Variants in DOCK7 observed in about 807,000 individuals in gnomAD.
The protein encoded by DOCK7 is dedicator of cytokinesis 7.
A neutral mutation model predicts 271.0 loss-of-function variants in DOCK7; 138 were observed. The ratio of observed to expected loss-of-function variants is 0.51; its 90% confidence interval spans 0.44 to 0.59. The LOEUF is 0.59. DOCK7 is among the 20% of genes least tolerant of loss of function. The pLI is 0.00. For synonymous variants in DOCK7, 823 were observed against 876.1 expected (o/e 0.94, Z 1.07); for missense variants, 2,066 against 2,592.4 (o/e 0.80, Z 4.41).
intron 1 of DOCK7, among the ~76,000 whole-genome samples, chr1:62,679,943 G>A (rs1192825894): frequency 3.3e-5 from 5 of 152,192 alleles, no homozygotes; most frequent in South Asian, 2.1e-4. Flanking sequence ...AATCAATATC[G>A]TGAAAATGGC....
chr1:62,680,419 T>A (rs962068793), intron 1 of DOCK7, among the ~76,000 whole-genome samples: 4 of 152,034 alleles, frequency 2.6e-5, no homozygotes, highest in Admixed American at 2.0e-4. Flanking sequence ...ATGTTAAACC[T>A]AAAACCATAA....
Position 62,489,072 on chromosome 1 carries a change from G to A in DOCK7, c.5362-7C>T. The A allele has an allele frequency of 1.3e-6, 2 of 1,546,368 alleles. No homozygotes were observed. Among genetic ancestry groups the A allele is most frequent in the South Asian group, 2.5e-5 (2 of 81,602 alleles). The stretch of plus-strand genomic sequence containing the variant: ...CTGCTTCATACATGCCAGCCTATAA[G>A]AAAAAATTTTGTTAAGATGTTGCTT... On this transcript the variant is annotated splice_polypyrimidine_tract_variant and splice_region_variant and intron_variant, in intron 41 of 49. Coordinates refer to ENST00000635253, the MANE Select transcript of DOCK7 (RefSeq NM_001367561.1).
At chr1:62,549,502 ATTTTT>A (rs1645821883) in intron 22 of DOCK7, among the ~76,000 whole-genome samples, 1 of 152,156 alleles carries the variant, frequency 6.6e-6, no homozygotes. Flanking sequence ...TATAATTTTT[ATTTTT>A]ATTTAATTTT....
chr1:62,458,775 C>T (rs1645426521), intron 48 of DOCK7: 1 of 152,182 alleles, frequency 6.6e-6, no homozygotes, highest in South Asian at 2.1e-4. Context: ...TCGTGATCCA[C>T]CCGCCTTGGC....
At chr1:62,541,610 C>G (rs1228494540) in intron 25 of DOCK7, among the ~76,000 whole-genome samples, 1 of 152,084 alleles carries the variant, frequency 6.6e-6, no homozygotes, top group Non-Finnish European at 1.5e-5. Context: ...TTTCTTTTCG[C>G]TAGCTTATTC....
At chr1:62,463,600 C>T (rs984751903) in intron 48 of DOCK7, among the ~76,000 whole-genome samples, 3 of 152,100 alleles carry the variant, frequency 2.0e-5, no homozygotes, top group Non-Finnish European at 4.4e-5. Context: ...TAAATCATGG[C>T]ATATTCATAA....
Position 62,483,209 on chromosome 1 carries a change from T to TTTTTTTTTTTTTTTTTTTTTTTTTTTTG in DOCK7, c.5508+4188_5508+4189insCAAAAAAAAAAAAAAAAAAAAAAAAAAA, listed in dbSNP as rs1217235928. On this transcript the variant is annotated intron_variant, in intron 43 of 49. Transcript: ENST00000635253. ...TTTTTTTTTTTTTTTTTTTTTTTTTTTTGGGTAGAGATGAGATCTCAGTGT... is the reference window on the plus strand; with the variant it reads ...TTTTTTTTTTTTTTTTTTTTTTTTTTTTTTTTTTTTTTTTTTTTTTTTTTTTTGTTGGGTAGAGATGAGATCTCAGTGT... 46 of 74,444 alleles carry TTTTTTTTTTTTTTTTTTTTTTTTTTTTG rather than the reference T, an allele frequency of 6.2e-4. 15 individuals are homozygous for TTTTTTTTTTTTTTTTTTTTTTTTTTTTG. Among genetic ancestry groups the TTTTTTTTTTTTTTTTTTTTTTTTTTTTG allele is most frequent in the Non-Finnish European group, 9.3e-4 (33 of 35,592 alleles). 4.6% of individuals were successfully genotyped at this position (74,444 alleles called of 1,614,324 possible). A position where few individuals can be genotyped will look rare whatever the true frequency, so the allele number is the denominator to read the frequency against.
rs184192724 is a variant in DOCK7 at position 62,685,383 on chromosome 1, G to T, written c.38+2844C>A. Among the ~76,000 whole-genome samples the T allele has an allele frequency of 4.6e-5, 7 of 152,298 alleles. No homozygotes were observed. In the East Asian group the frequency reaches 1.3e-3, roughly 29 times the overall value. On this transcript the variant is annotated intron_variant, in intron 1 of 49. Coordinates refer to ENST00000635253, the MANE Select transcript of DOCK7 (RefSeq NM_001367561.1). ...AAGCAGAACACGAATTGATTCAGAA[G>T]TATTAAGTATTATTCAATCATATTT... is the stretch of plus-strand genomic sequence containing the variant.
At chr1:62,582,277 G>A (rs1029582800) in intron 16 of DOCK7, among the ~76,000 whole-genome samples, 12 of 152,090 alleles carry the variant, frequency 7.9e-5, no homozygotes, top group Non-Finnish European at 1.6e-4. Context: ...GAGGCCGGGC[G>A]CGGTGGCTCA....
chr1:62,604,303 T>C, intron 14 of DOCK7: 4 of 1,567,320 alleles, frequency 2.6e-6, no homozygotes, highest in Middle Eastern at 3.4e-4. Context: ...TATTAGCTAT[T>C]ATCTGCAATG....
At chr1:62,505,289 A>G (rs952462389) in intron 36 of DOCK7, among the ~76,000 whole-genome samples, 5 of 152,212 alleles carry the variant, frequency 3.3e-5, no homozygotes, top group African/African-American at 1.2e-4. Flanking sequence ...TTTTCCATTC[A>G]TCATAAAATA....
chr1:62,622,983 A>G (rs1179824243), intron 12 of DOCK7, among the ~76,000 whole-genome samples: 1 of 152,092 alleles, frequency 6.6e-6, no homozygotes, highest in Non-Finnish European at 1.5e-5. Flanking sequence ...CATGTTGCCC[A>G]GGCTGGTCTT....
intron 15 of DOCK7, chr1:62,584,406 C>CT (rs1287961485): frequency 2.0e-6 from 2 of 989,430 alleles, no homozygotes; most frequent in South Asian, 4.6e-5. Flanking sequence ...TTAAACAGCC[C>CT]TTTTTTTAAA....
chr1:62,485,500 C>A, intron 43 of DOCK7: 1 of 985,354 alleles, frequency 1.0e-6, no homozygotes, highest in Non-Finnish European at 1.2e-6. Flanking sequence ...TTCAAAGAGC[C>A]TTTCTACAAT....
intron 1 of DOCK7, chr1:62,687,698 G>A (rs1661962743): frequency 6.6e-6 from 1 of 152,326 alleles, no homozygotes; most frequent in South Asian, 2.1e-4. Flanking sequence ...AGATTTCTCA[G>A]GAAGAGAGAG....
intron 18 of DOCK7, among the ~76,000 whole-genome samples, chr1:62,574,117 C>T (rs1278444114): frequency 2.0e-5 from 3 of 152,064 alleles, no homozygotes; most frequent in African/African-American, 7.2e-5. Context: ...GAGTCTTCTA[C>T]CTGCCCCTAA....
chr1:62,633,791 A>T (rs1426668893), intron 9 of DOCK7: 1 of 486,418 alleles, frequency 2.1e-6, no homozygotes, highest in Non-Finnish European at 3.7e-6. Flanking sequence ...CTACCATAAT[A>T]AAGGCCATAT....
chr1:62,647,924 C>T lies in DOCK7; in HGVS notation c.733-148G>A, dbSNP rs184487092. ...GACCTATTTATCCACAGACAGAAGT[C>T]ATTTGATTATAACTTACTCATTAAG... On this transcript the variant is annotated intron_variant, in intron 6 of 49. Coordinates refer to ENST00000635253, the MANE Select transcript of DOCK7 (RefSeq NM_001367561.1). 193 of 823,946 alleles carry T rather than the reference C, an allele frequency of 2.3e-4. 1 individual carries two copies. The African/African-American group carries it at 3.2e-3, about 13-fold the overall frequency. 51.0% of individuals were successfully genotyped at this position (823,946 alleles called of 1,614,324 possible).
intron 4 of DOCK7, among the ~76,000 whole-genome samples, chr1:62,649,627 A>T (rs1332138229): frequency 1.3e-5 from 2 of 152,200 alleles, no homozygotes; most frequent in African/African-American, 2.4e-5. Context: ...GCAAAGAATG[A>T]TTCATGATCA....
Sources: allele counts gnomAD v4.1 joint callset (sites outside exome capture counted in the v4.1 genomes callset), GRCh38; gene constraint gnomAD v4.1.1; transcripts MANE v1.5; gene names NCBI Gene and HGNC (gene_info 2026-07-23, HGNC 2026-07-21).